KCNQ1: variants seen among roughly 807,000 people sequenced by gnomAD.
The protein encoded by KCNQ1 is potassium voltage-gated channel subfamily Q member 1.
In KCNQ1, 49 loss-of-function variants were observed where a neutral mutation model predicts 72.4. That is an observed-to-expected ratio of 0.68 (90% CI 0.54 to 0.86). The LOEUF (loss-of-function observed/expected upper bound fraction) is 0.86. KCNQ1 is among the 40% of genes least tolerant of loss of function. KCNQ1 has a pLI of 0.00. For missense variants in KCNQ1, 790 were observed against 945.1 expected, an observed-to-expected ratio of 0.84 and a Z score of 2.15; for synonymous variants, 450 against 412.6, an observed-to-expected ratio of 1.09 and a Z score of -1.10.
At position 2,723,061 on chromosome 11, in the gene KCNQ1, G is replaced by C. The variant is rs1321049425; in HGVS notation, c.1515-45783G>C. On this transcript the variant is annotated intron_variant, in intron 11 of 15. Transcript: ENST00000155840. This position sits in a 1 kb window ranked among gnomAD's most constrained non-coding sequence, Gnocchi z 4.2. ...CTCCTGGCCTCCATTCCCGTGCCAG[G>C]GTGGTCTGAGCGGAGAGGACAGGGG... is the stretch of plus-strand genomic sequence containing the variant. 3.3e-5 allele frequency among the ~76,000 whole-genome samples: 5 copies of C among 152,352 alleles called. No individual in the cohort carries two copies. The highest frequency in any genetic ancestry group is 1.2e-4 in the African/African-American group (5 of 41,588).
rs983597588 is a variant in KCNQ1 at position 2,809,308 on chromosome 11, A to G, written c.1794+31271A>G. On this transcript the variant is annotated intron_variant, in intron 15 of 15. Coordinates refer to ENST00000155840, the MANE Select transcript of KCNQ1 (RefSeq NM_000218.3). This position sits in a 1 kb window ranked among gnomAD's most constrained non-coding sequence, Gnocchi z 7.1. ...CTAAATGTCACTTTCAGGTTAAGGA[A>G]AATAAAATGTGGGACGCTGGACTCA... Among the ~76,000 whole-genome samples, 6 of 152,204 alleles carry G rather than the reference A, an allele frequency of 3.9e-5. No homozygotes were observed. Among genetic ancestry groups the G allele is most frequent in the Non-Finnish European group, 8.8e-5 (6 of 68,032 alleles).
rs1846715620 is a variant in KCNQ1 at position 2,776,968 on chromosome 11, C to G, written c.1686-18C>G. ...GCCAGGGCCAGGTGTGAACTGGTGT[C>G]TGTGTCCTTCTCTCCAGGCTGGACC... is the stretch of plus-strand genomic sequence containing the variant. On this transcript the variant is annotated intron_variant, in intron 13 of 15. Coordinates refer to ENST00000155840, the MANE Select transcript of KCNQ1 (RefSeq NM_000218.3). 11 of 1,613,642 alleles carry G rather than the reference C, an allele frequency of 6.8e-6. No individual in the cohort carries two copies. The highest frequency in any genetic ancestry group is 9.3e-6 in the Non-Finnish European group (11 of 1,179,700).
chr11:2,521,821 C>T (rs879468452), intron 1 of KCNQ1, among the ~76,000 whole-genome samples: 12 of 152,358 alleles, frequency 7.9e-5, no homozygotes, highest in Admixed American at 5.2e-4. Flanking sequence ...ATTTGCTTGG[C>T]GGGTCACCTG....
chr11:2,767,778 C>G lies in KCNQ1; in HGVS notation c.1515-1066C>G, dbSNP rs1846524675. On this transcript the variant is annotated intron_variant, in intron 11 of 15. Coordinates refer to ENST00000155840, the MANE Select transcript of KCNQ1 (RefSeq NM_000218.3). This position sits in a 1 kb window ranked among gnomAD's most constrained non-coding sequence, Gnocchi z 4.6. ...ACCCCTTCAGCAACTGCTTTTTGCT[C>G]AGTTTCTGTGATTCTCACCCACCCG... Among the ~76,000 whole-genome samples, 1 of 152,222 alleles carries G rather than the reference C, an allele frequency of 6.6e-6. No homozygotes were observed. The highest frequency in any genetic ancestry group is 2.1e-4 in the South Asian group (1 of 4,838).
chr11:2,514,895 C>G (rs1847264076), intron 1 of KCNQ1, among the ~76,000 whole-genome samples: 1 of 152,204 alleles, frequency 6.6e-6, no homozygotes, highest in Non-Finnish European at 1.5e-5. Flanking sequence ...GACCCACACC[C>G]TGAGCCGCCA....
rs1850584816 is a variant in KCNQ1 at position 2,691,359 on chromosome 11, A to T, written c.1514+29278A>T. On this transcript the variant is annotated intron_variant, in intron 11 of 15. Transcript: ENST00000155840. The surrounding 1 kb of genome is among the most constrained non-coding windows in gnomAD (Gnocchi z 6.4). Reference sequence around the variant, plus strand: ...ACTTACAGTGACCACCCATCCTGACATCTTGGGCTCAGGCCTCTGGGTCTG... The same window carrying T: ...ACTTACAGTGACCACCCATCCTGACTTCTTGGGCTCAGGCCTCTGGGTCTG... 2.5e-6 allele frequency: 1 copy of T among 398,506 alleles called. No individual in the cohort carries two copies. Among genetic ancestry groups the T allele is most frequent in the Admixed American group, 4.4e-5 (1 of 22,710 alleles). The allele number at this position is 398,506 out of a possible 1,614,324, so 24.7% of individuals were successfully genotyped here.
rs969309781 is a variant in KCNQ1, at chr11:2,784,283, TATC to T, written c.1794+6249_1794+6251del. 3.3e-5 allele frequency among the ~76,000 whole-genome samples: 5 copies of T among 151,952 alleles called. No homozygotes were observed. The highest frequency in any genetic ancestry group is 7.4e-5 in the Non-Finnish European group (5 of 67,828). Reference sequence around the variant, plus strand: ...AAATACCCCATTTCCTCCTTTGAATTATCATGGCTTCTTGGTCAAAAATCAATT... The same window carrying T: ...AAATACCCCATTTCCTCCTTTGAATTATGGCTTCTTGGTCAAAAATCAATT... On this transcript the variant is annotated intron_variant, in intron 15 of 15. Transcript: ENST00000155840. This position sits in a 1 kb window ranked among gnomAD's most constrained non-coding sequence, Gnocchi z 4.7.
chr11:2,667,121 A>G, intron 11 of KCNQ1: 1 of 398,696 alleles, frequency 2.5e-6, no homozygotes, highest in Non-Finnish European at 4.4e-6. Flanking sequence ...GTAATGGCTC[A>G]GTGGGAAAGA....
intron 15 of KCNQ1, among the ~76,000 whole-genome samples, chr11:2,778,930 C>G (rs945213906): frequency 6.6e-6 from 1 of 152,068 alleles, no homozygotes; most frequent in Non-Finnish European, 1.5e-5. Context: ...CGTCCTGGCC[C>G]CCAGGACCTG....
intron 11 of KCNQ1, among the ~76,000 whole-genome samples, chr11:2,750,000 G>A (rs185936627): frequency 6.0e-4 from 91 of 151,968 alleles, no homozygotes; most frequent in Non-Finnish European, 2.8e-4. Flanking sequence ...TCTACACGGC[G>A]CCCTGAGAAT....
intron 10 of KCNQ1, chr11:2,622,254 C>T (rs1849186300): frequency 1.3e-5 from 5 of 398,158 alleles, no homozygotes; most frequent in Non-Finnish European, 1.8e-5. Flanking sequence ...GTATACGTTT[C>T]CAATTGCGAA....
chr11:2,539,012 C>A (rs1165224584), intron 2 of KCNQ1, among the ~76,000 whole-genome samples: 2 of 152,170 alleles, frequency 1.3e-5, no homozygotes, highest in African/African-American at 4.8e-5. Context: ...GGCAGTGAGC[C>A]CCACCTGGGT....
Position 2,734,367 on chromosome 11 carries a change from T to G in KCNQ1, c.1515-34477T>G, listed in dbSNP as rs549734294. ...ACCAAGGGTAGAGGCAGGGGAGCAA[T>G]GGATGGGTTGAATGAGGAAGCTTCA... On this transcript the variant is annotated intron_variant, in intron 11 of 15. Coordinates refer to ENST00000155840, the MANE Select transcript of KCNQ1 (RefSeq NM_000218.3). This position sits in a 1 kb window ranked among gnomAD's most constrained non-coding sequence, Gnocchi z 7.0. 2.6e-5 allele frequency among the ~76,000 whole-genome samples: 4 copies of G among 152,122 alleles called. No individual in the cohort carries two copies. The highest frequency in any genetic ancestry group is 9.6e-5 in the African/African-American group (4 of 41,500).
chr11:2,697,065 CATA>C (rs1350383685), intron 11 of KCNQ1: 2 of 398,384 alleles, frequency 5.0e-6, no homozygotes, highest in Admixed American at 4.4e-5. Flanking sequence ...AAAACATTTT[CATA>C]ATAATACTCG....
chr11:2,720,975 G>A lies in KCNQ1; in HGVS notation c.1515-47869G>A, dbSNP rs1734811437. 6.6e-6 allele frequency among the ~76,000 whole-genome samples: 1 copy of A among 152,148 alleles called. No individual in the cohort carries two copies. Among genetic ancestry groups the A allele is most frequent in the South Asian group, 2.1e-4 (1 of 4,832 alleles). On this transcript the variant is annotated intron_variant, in intron 11 of 15. Coordinates refer to ENST00000155840, the MANE Select transcript of KCNQ1 (RefSeq NM_000218.3). The surrounding 1 kb of genome is among the most constrained non-coding windows in gnomAD (Gnocchi z 5.1). ...GGCTCTCAGATTTCCAGGGACTCGG[G>A]CAGGCACAGCTTTCCAGGCCAGAGC...
intron 10 of KCNQ1, chr11:2,610,222 T>C (rs1203535674): frequency 2.5e-6 from 1 of 397,880 alleles, no homozygotes; most frequent in African/African-American, 2.1e-5. Context: ...CGTCTCAAAA[T>C]TTACTTCATA....
chr11:2,700,722 C>T (rs533748185), intron 11 of KCNQ1, among the ~76,000 whole-genome samples: 6 of 152,182 alleles, frequency 3.9e-5, no homozygotes, highest in Admixed American at 6.5e-5. Context: ...CAAAGGGCAG[C>T]GCCGAGGGCG....
At chr11:2,616,977 AT>A (rs1253274046) in intron 10 of KCNQ1, 7 of 394,894 alleles carry the variant, frequency 1.8e-5, no homozygotes, top group Non-Finnish European at 2.2e-5. Flanking sequence ...TTTTTTTTTA[AT>A]TTTAAAAATA....
chr11:2,548,893 G>C (rs955840967), intron 2 of KCNQ1, among the ~76,000 whole-genome samples: 5 of 152,242 alleles, frequency 3.3e-5, no homozygotes, highest in African/African-American at 4.8e-5. Context: ...GGTAAAGTGA[G>C]GACCTGTCTG....
Sources: gnomAD v4.1 joint callset for allele counts (sites outside exome capture counted in the v4.1 genomes callset) on GRCh38, gnomAD v4.1.1 for gene constraint, Gnocchi (gnomAD v3.1) non-coding constraint, MANE v1.5 for transcripts, NCBI Gene and HGNC (gene_info 2026-07-23, HGNC 2026-07-21) for gene names.